Variants in TRAM2 observed in about 807,000 individuals in gnomAD.
TRAM2 encodes the protein translocating chain-associated membrane protein 2.
Under a neutral mutation model 51.0 loss-of-function variants are expected in TRAM2, and 12 were observed. The ratio of observed to expected loss-of-function variants is 0.24; its 90% CI spans 0.15 to 0.38. The LOEUF is 0.38. TRAM2 is among the 10% of genes least tolerant of loss of function. The pLI, the probability that TRAM2 is intolerant of heterozygous loss-of-function variation, is 1.00. For missense variants in TRAM2, 361 were observed against 462.0 expected (o/e 0.78, Z 2.00); for synonymous variants, 175 against 179.4 (o/e 0.98, Z 0.20).
rs565014613 is a variant in TRAM2 at position 52,539,646 on chromosome 6, C to G, written c.121-3800G>C. Among the ~76,000 whole-genome samples the G allele has an allele frequency of 2.9e-3, 437 of 152,240 alleles. 2 individuals carry two copies. The highest frequency in any genetic ancestry group is 4.4e-3 in the Non-Finnish European group (296 of 68,024). On this transcript the variant is annotated intron_variant, in intron 1 of 10. Coordinates refer to ENST00000182527, the MANE Select transcript of TRAM2 (RefSeq NM_012288.4). ...ACATAAGCTGTAGGAGCGTGGGGATCTGACCTGCCTTGATGATCTGACTTG... is the reference window on the plus strand; with the variant it reads ...ACATAAGCTGTAGGAGCGTGGGGATGTGACCTGCCTTGATGATCTGACTTG...
intron 2 of TRAM2, among the ~76,000 whole-genome samples, chr6:52,532,332 C>A (rs1766908326): frequency 6.6e-6 from 1 of 152,068 alleles, no homozygotes; most frequent in Non-Finnish European, 1.5e-5. Context: ...GGGTATGATC[C>A]AGCATCCCCT....
At chr6:52,510,965 T>C (rs1434315178) in intron 4 of TRAM2, among the ~76,000 whole-genome samples, 1 of 152,208 alleles carries the variant, frequency 6.6e-6, no homozygotes, top group East Asian at 1.9e-4. Flanking sequence ...TGATGAATGC[T>C]TTGGGCAATT....
At position 52,514,093 on chromosome 6, in the gene TRAM2, CT is replaced by C. The variant is rs973059986; in HGVS notation, c.411+1912del. Among the ~76,000 whole-genome samples the C allele has an allele frequency of 7.6e-4, 115 of 152,156 alleles. 2 individuals are homozygous for C. Among genetic ancestry groups the C allele is most frequent in the African/African-American group, 2.6e-3 (110 of 41,516 alleles). ...TGTCCCCTACAGGCCCAAATCTCCC[CT>C]GGTCAAAGGTCACTAGACTAGGGTT... On this transcript the variant is annotated intron_variant, in intron 4 of 10. Coordinates refer to ENST00000182527, the MANE Select transcript of TRAM2 (RefSeq NM_012288.4).
At chr6:52,516,568 G>T in intron 3 of TRAM2, 60 bp downstream of exon 3, 2 of 1,415,380 alleles carry the variant, frequency 1.4e-6, no homozygotes, top group Non-Finnish European at 2.0e-6. Context: ...CCAAGGCCAG[G>T]TCCTCCACCC....
At chr6:52,565,682 C>T (rs1453430067) in intron 1 of TRAM2, among the ~76,000 whole-genome samples, 4 of 152,210 alleles carry the variant, frequency 2.6e-5, no homozygotes, top group Non-Finnish European at 5.9e-5. Context: ...CATGTTATCA[C>T]ATGCACTTCA....
chr6:52,568,643 A>G (rs569533165), intron 1 of TRAM2, among the ~76,000 whole-genome samples: 52 of 152,288 alleles, frequency 3.4e-4, no homozygotes, highest in Non-Finnish European at 7.2e-4. Context: ...ATAATTATGT[A>G]AATTCTGTCT....
At chr6:52,564,870 T>C (rs930503104) in intron 1 of TRAM2, among the ~76,000 whole-genome samples, 5 of 152,112 alleles carry the variant, frequency 3.3e-5, no homozygotes, top group East Asian at 3.9e-4. Context: ...TCTGAGCAGG[T>C]GGTGCTTTTG....
chr6:52,556,597 T>C (rs571279030), intron 1 of TRAM2, among the ~76,000 whole-genome samples: 162 of 151,530 alleles, frequency 1.1e-3, no homozygotes, highest in African/African-American at 3.6e-3. Flanking sequence ...TGTAAATTTC[T>C]TAACAGTCTT....
chr6:52,553,352 C>T (rs1310778558), intron 1 of TRAM2, among the ~76,000 whole-genome samples: 3 of 152,186 alleles, frequency 2.0e-5, no homozygotes, highest in East Asian at 1.9e-4. Context: ...CTGACAAGTC[C>T]TGCAATAAAG....
chr6:52,528,714 C>T (rs1337120790), intron 2 of TRAM2, among the ~76,000 whole-genome samples: 1 of 152,122 alleles, frequency 6.6e-6, no homozygotes, highest in African/African-American at 2.4e-5. Flanking sequence ...CTGGGATCCT[C>T]AGGGCTCTGG....
intron 1 of TRAM2, among the ~76,000 whole-genome samples, chr6:52,567,223 G>C (rs989930170): frequency 6.6e-6 from 1 of 152,210 alleles, no homozygotes; most frequent in East Asian, 1.9e-4. Context: ...CTAAAGGCGT[G>C]GTAAGTGGTC....
rs1332359901 is a variant in TRAM2 at position 52,497,777 on chromosome 6, TAC to T, written c.*5418_*5419del. 1.3e-5 allele frequency: 2 copies of T among 152,630 alleles called. No homozygotes were observed. The highest frequency in any genetic ancestry group is 2.9e-5 in the Non-Finnish European group (2 of 68,044). 9.5% of individuals were successfully genotyped at this position (152,630 alleles called of 1,614,324 possible). A position where few individuals can be genotyped will look rare whatever the true frequency, so the allele number is the denominator to read the frequency against. On this transcript the variant is annotated 3_prime_UTR_variant, in exon 11 of 11. Transcript: ENST00000182527. The stretch of plus-strand genomic sequence containing the variant: ...AACAGAGGAACCGAAAAATGAGGTT[TAC>T]AGTCTCATCACATGAACACTCAAAT...
At chr6:52,526,194 C>G (rs958099685) in intron 2 of TRAM2, among the ~76,000 whole-genome samples, 1 of 113,558 alleles carries the variant, frequency 8.8e-6, no homozygotes, top group Non-Finnish European at 1.8e-5. Context: ...CACACACACA[C>G]ACACACACAC....
chr6:52,552,760 G>A (rs1189381857), intron 1 of TRAM2, among the ~76,000 whole-genome samples: 5 of 152,122 alleles, frequency 3.3e-5, no homozygotes, highest in African/African-American at 1.2e-4. Context: ...CCCCAGGATG[G>A]GAGGTGGGAG....
chr6:52,546,721 C>T (rs954662940), intron 1 of TRAM2, among the ~76,000 whole-genome samples: 14 of 152,048 alleles, frequency 9.2e-5, no homozygotes, highest in South Asian at 2.1e-4. Flanking sequence ...GGGAGAAGGG[C>T]GCTGAGAAGG....
At chr6:52,543,719 A>G (rs1204727181) in intron 1 of TRAM2, among the ~76,000 whole-genome samples, 1 of 152,186 alleles carries the variant, frequency 6.6e-6, no homozygotes, top group Non-Finnish European at 1.5e-5. Context: ...AAGCAAAAAG[A>G]GAGGAGGGTC....
At chr6:52,566,232 C>A (rs1433620644) in intron 1 of TRAM2, among the ~76,000 whole-genome samples, 1 of 151,948 alleles carries the variant, frequency 6.6e-6, no homozygotes, top group Non-Finnish European at 1.5e-5. Context: ...AGCCCTTTCT[C>A]TCTCCCAACT....
chr6:52,554,766 CTTT>C (rs549322729), intron 1 of TRAM2, among the ~76,000 whole-genome samples: 11 of 133,376 alleles, frequency 8.2e-5, no homozygotes, highest in Admixed American at 7.7e-5. Context: ...AGAGTCAATC[CTTT>C]TTTTTTTTTT....
intron 1 of TRAM2, among the ~76,000 whole-genome samples, chr6:52,571,910 G>A (rs761547552): frequency 9.2e-5 from 14 of 152,210 alleles, no homozygotes; most frequent in Non-Finnish European, 1.9e-4. Context: ...CAGGTACAGT[G>A]CTGGGTATTT....
Sources: allele counts gnomAD v4.1 joint callset (sites outside exome capture counted in the v4.1 genomes callset), GRCh38; gene constraint gnomAD v4.1.1; transcripts MANE v1.5; gene names NCBI Gene and HGNC (gene_info 2026-07-23, HGNC 2026-07-21).